Variants in NLGN1 observed in about 807,000 individuals in gnomAD.
The protein encoded by NLGN1 is neuroligin-1.
A neutral mutation model predicts 65.5 loss-of-function variants in NLGN1; 12 were observed. The ratio of observed to expected loss-of-function variants is 0.18; its 90% CI spans 0.12 to 0.30. The LOEUF (loss-of-function observed/expected upper bound fraction) is 0.30, where lower values mean the gene tolerates loss of function less well. Among genes scored for constraint, NLGN1 ranks in the 10% least tolerant of loss-of-function variants. NLGN1 has a pLI of 1.00. For synonymous variants in NLGN1, 350 were observed against 359.5 expected (o/e 0.97, Z 0.30); for missense variants, 750 against 1,007.1 (o/e 0.74, Z 3.46).
At chr3:173,986,858 CTTTA>C (rs1720055715) in intron 4 of NLGN1, among the ~76,000 whole-genome samples, 1 of 152,156 alleles carries the variant, frequency 6.6e-6, no homozygotes, top group African/African-American at 2.4e-5. Context: ...CCTCAGACCA[CTTTA>C]TTTAGTTCTT....
intron 3 of NLGN1, among the ~76,000 whole-genome samples, chr3:173,801,745 G>A (rs1003090640): frequency 6.6e-6 from 1 of 152,026 alleles, no homozygotes; most frequent in African/African-American, 2.4e-5. Context: ...ACACAAAGCA[G>A]TCATTAATAT....
intron 1 of NLGN1, among the ~76,000 whole-genome samples, chr3:173,434,476 T>G (rs1384477213): frequency 6.6e-6 from 1 of 152,208 alleles, no homozygotes; most frequent in Non-Finnish European, 1.5e-5. Flanking sequence ...ATGTTTCAAG[T>G]AGTATACTTT....
At chr3:174,187,600 A>C (rs563768842) in intron 4 of NLGN1, among the ~76,000 whole-genome samples, 2 of 152,202 alleles carry the variant, frequency 1.3e-5, no homozygotes, top group African/African-American at 4.8e-5. Context: ...GCAAAGTCAA[A>C]ATCTGAAAAG....
chr3:173,852,856 T>G (rs1374863488), intron 4 of NLGN1, among the ~76,000 whole-genome samples: 1 of 152,234 alleles, frequency 6.6e-6, no homozygotes, highest in Admixed American at 6.5e-5. Context: ...GGGATGTTCA[T>G]AAATACAGTA....
intron 4 of NLGN1, among the ~76,000 whole-genome samples, chr3:173,907,093 AT>A (rs1048786158): frequency 1.3e-5 from 2 of 152,082 alleles, no homozygotes; most frequent in African/African-American, 4.8e-5. Flanking sequence ...AAGAAGTATA[AT>A]TGGTGACATG....
At chr3:173,632,849 G>GTTTTTTTTTTTTTTT (rs5854526) in intron 3 of NLGN1, among the ~76,000 whole-genome samples, 7 of 116,422 alleles carry the variant, frequency 6.0e-5, no homozygotes, top group Non-Finnish European at 7.1e-5. Flanking sequence ...TTTTTTTTTT[G>GTTTTTTTTTTTTTTT]TTTTTTTTTT....
At chr3:173,860,368 C>T (rs1456466113) in intron 4 of NLGN1, among the ~76,000 whole-genome samples, 1 of 151,894 alleles carries the variant, frequency 6.6e-6, no homozygotes, top group East Asian at 1.9e-4. Flanking sequence ...ACATTGTTGG[C>T]AATTTTTTAC....
chr3:173,581,251 T>G (rs2149362944), intron 2 of NLGN1, among the ~76,000 whole-genome samples: 1 of 152,180 alleles, frequency 6.6e-6, no homozygotes, highest in African/African-American at 2.4e-5. Context: ...TTGGTATCTC[T>G]TTTGCATGGA....
At chr3:174,272,661 G>GATAGATA (rs1561444849) in intron 4 of NLGN1, among the ~76,000 whole-genome samples, 3,010 of 105,310 alleles carry the variant, frequency 0.029, 39 homozygotes, top group East Asian at 0.045. Flanking sequence ...ATGGATGGAT[G>GATAGATA]GATGGATAGA....
intron 4 of NLGN1, among the ~76,000 whole-genome samples, chr3:173,857,622 A>G (rs1360643309): frequency 6.6e-6 from 1 of 152,060 alleles, no homozygotes; most frequent in African/African-American, 2.4e-5. Flanking sequence ...TGCCTCCTGG[A>G]TTGCGAAAAG....
At chr3:173,649,149 A>G (rs568838973) in intron 3 of NLGN1, among the ~76,000 whole-genome samples, 16 of 152,346 alleles carry the variant, frequency 1.1e-4, no homozygotes, top group African/African-American at 3.8e-4. Context: ...TGGCAAGAGT[A>G]TATACTGGAT....
intron 4 of NLGN1, among the ~76,000 whole-genome samples, chr3:174,233,230 C>T (rs1741055009): frequency 1.3e-5 from 2 of 152,040 alleles, no homozygotes; most frequent in African/African-American, 4.8e-5. Flanking sequence ...CGCCAGTATC[C>T]CAGCACTTTG....
intron 2 of NLGN1, among the ~76,000 whole-genome samples, chr3:173,495,370 C>G (rs375583408): frequency 1.3e-5 from 2 of 151,412 alleles, no homozygotes; most frequent in African/African-American, 4.9e-5. Context: ...CTCGTTTATT[C>G]TATCAATTTT....
intron 4 of NLGN1, among the ~76,000 whole-genome samples, chr3:174,110,628 A>G (rs1353356480): frequency 6.6e-6 from 1 of 151,986 alleles, no homozygotes; most frequent in East Asian, 1.9e-4. Flanking sequence ...AAAATATTCC[A>G]ATGTACAAAG....
chr3:173,783,706 A>G (rs1047023673), intron 3 of NLGN1, among the ~76,000 whole-genome samples: 20 of 152,154 alleles, frequency 1.3e-4, no homozygotes, highest in African/African-American at 4.8e-4. Flanking sequence ...TCTCTGCCTC[A>G]TGGGATTCAG....
intron 4 of NLGN1, among the ~76,000 whole-genome samples, chr3:174,264,022 T>C (rs984911208): frequency 6.6e-6 from 1 of 151,016 alleles, no homozygotes; most frequent in African/African-American, 2.5e-5. Context: ...CCCACTCTCT[T>C]CTGGCTTGTA....
At chr3:173,500,366 A>T (rs1730859031) in intron 2 of NLGN1, among the ~76,000 whole-genome samples, 1 of 152,004 alleles carries the variant, frequency 6.6e-6, no homozygotes, top group South Asian at 2.1e-4. Flanking sequence ...ATTGATTTGC[A>T]TATGTTGAAC....
At chr3:173,822,282 A>C (rs1346767861) in intron 4 of NLGN1, among the ~76,000 whole-genome samples, 1 of 152,104 alleles carries the variant, frequency 6.6e-6, no homozygotes, top group Non-Finnish European at 1.5e-5. Context: ...GCTTTTCTCT[A>C]CCTATTCAGA....
At chr3:173,643,303 A>G (rs1757695989) in intron 3 of NLGN1, among the ~76,000 whole-genome samples, 1 of 152,212 alleles carries the variant, frequency 6.6e-6, no homozygotes, top group African/African-American at 2.4e-5. Context: ...GATGAAAACT[A>G]TACATCTATA....
Sources: allele counts gnomAD v4.1 joint callset (sites outside exome capture counted in the v4.1 genomes callset), GRCh38; gene constraint gnomAD v4.1.1; transcripts MANE v1.5; gene names NCBI Gene and HGNC (gene_info 2026-07-23, HGNC 2026-07-21).